RNF169: variants seen among roughly 807,000 people sequenced by gnomAD.
RNF169 encodes ring finger protein 169.
In RNF169, 24 loss-of-function variants were observed where a neutral mutation model predicts 53.9. That is an observed-to-expected ratio of 0.45 (90% confidence interval 0.32 to 0.63). The LOEUF (loss-of-function observed/expected upper bound fraction) is 0.63, where lower values mean the gene tolerates loss of function less well. Among genes scored for constraint, RNF169 ranks in the 20% least tolerant of loss-of-function variants. The pLI is 0.04. For missense variants in RNF169, 883 were observed against 906.2 expected, an observed-to-expected ratio of 0.97 and a Z score of 0.33; for synonymous variants, 396 against 363.5, an observed-to-expected ratio of 1.09 and a Z score of -1.02.
Position 74,838,136 on chromosome 11 carries a change from CACTG to C in RNF169, c.*1410_*1413del, listed in dbSNP as rs2135158553. ...TGGAACTGTCTTCAAAGACTAGAAA[CACTG>C]ACTCCCAAAATGCTAGAACTGGAAG... On this transcript the variant is annotated 3_prime_UTR_variant, in exon 6 of 6. Transcript: ENST00000299563. 1 of 152,294 alleles carries C rather than the reference CACTG, an allele frequency of 6.6e-6. No homozygotes were observed. The highest frequency in any genetic ancestry group is 6.5e-5 in the Admixed American group (1 of 15,294). 9.4% of individuals were successfully genotyped at this position (152,294 alleles called of 1,614,324 possible).
chr11:74,816,477 T>C (rs1343745243), intron 3 of RNF169, among the ~76,000 whole-genome samples: 1 of 152,196 alleles, frequency 6.6e-6, no homozygotes, highest in Non-Finnish European at 1.5e-5. Context: ...GACATACCTC[T>C]AAGATGTTTC....
intron 4 of RNF169, chr11:74,831,418 TATGAA>T (rs1365441588): frequency 1.3e-5 from 2 of 152,160 alleles, no homozygotes; most frequent in African/African-American, 4.8e-5. Context: ...ATAGAATACT[TATGAA>T]TAAATTTAAC....
At chr11:74,812,656 T>C (rs1253676957) in intron 3 of RNF169, among the ~76,000 whole-genome samples, 1 of 152,130 alleles carries the variant, frequency 6.6e-6, no homozygotes, top group Non-Finnish European at 1.5e-5. Flanking sequence ...TTTAAGAGTT[T>C]TCAGTGTTGA....
chr11:74,787,420 C>T (rs991997616), intron 1 of RNF169, among the ~76,000 whole-genome samples: 1 of 152,116 alleles, frequency 6.6e-6, no homozygotes, highest in Non-Finnish European at 1.5e-5. Context: ...CAATTTCACT[C>T]ATAAAATATA....
At chr11:74,824,809 CAAAA>C (rs2036069237) in intron 4 of RNF169, among the ~76,000 whole-genome samples, 1 of 151,878 alleles carries the variant, frequency 6.6e-6, no homozygotes, top group Non-Finnish European at 1.5e-5. Context: ...AAGCACAGGA[CAAAA>C]AAGAAAGGGT....
chr11:74,783,367 C>T (rs1346226963), intron 1 of RNF169, among the ~76,000 whole-genome samples: 1 of 152,062 alleles, frequency 6.6e-6, no homozygotes, highest in Non-Finnish European at 1.5e-5. Flanking sequence ...AGGTCACTGG[C>T]CACAGGTGCA....
At chr11:74,809,788 C>T (rs569836962) in intron 2 of RNF169, among the ~76,000 whole-genome samples, 4 of 152,350 alleles carry the variant, frequency 2.6e-5, no homozygotes, top group Admixed American at 1.3e-4. Context: ...AAGGAGGCCT[C>T]GTCCAGCTTC....
Position 74,835,605 on chromosome 11 carries a change from C to G in RNF169, c.1002C>G (p.Asn334Lys). The change falls in exon 6 of 6, where the codon AAC becomes AAG. Residue 334 changes from asparagine to lysine, a missense_variant. Physicochemically the swap from Asn to Lys is moderately conservative, Grantham distance 94 (BLOSUM62 0). Around this residue, in one of 3 missense-constraint regions of RNF169, gnomAD observed 219 missense variants for 289.1 expected, o/e 0.76. Coordinates refer to ENST00000299563, the MANE Select transcript of RNF169 (RefSeq NM_001098638.2). ...TTGGTGTCCTCTTGTCAACTCAAAA[C>G]AACCGCTGCGTCTCGGCCCCTGACT... ...PIIGVLLSTQ[N>K]NRCVSAPDLT... The G allele has an allele frequency of 6.2e-7, 1 of 1,614,170 alleles. No individual in the cohort carries two copies. Among genetic ancestry groups the G allele is most frequent in the Non-Finnish European group, 8.5e-7 (1 of 1,180,028 alleles).
At chr11:74,823,288 T>C (rs775448715) in intron 4 of RNF169, among the ~76,000 whole-genome samples, 1 of 152,216 alleles carries the variant, frequency 6.6e-6, no homozygotes, top group Admixed American at 6.5e-5. Context: ...AAAGATACTT[T>C]GCCTGGTGAC....
intron 1 of RNF169, among the ~76,000 whole-genome samples, chr11:74,762,994 G>T (rs965385406): frequency 6.6e-6 from 1 of 152,144 alleles, no homozygotes; most frequent in Non-Finnish European, 1.5e-5. Context: ...TTTTTGATGT[G>T]CTGCACTCTA....
chr11:74,806,634 A>G (rs763882036), intron 2 of RNF169, among the ~76,000 whole-genome samples: 2 of 152,242 alleles, frequency 1.3e-5, no homozygotes, highest in Non-Finnish European at 2.9e-5. Flanking sequence ...ATAATAAACT[A>G]TTTGTACCTG....
In RNF169 at chr11:74,815,640, A is replaced by G. The variant is rs1303765985; in HGVS notation, c.724-1956A>G. 2.6e-5 allele frequency among the ~76,000 whole-genome samples: 4 copies of G among 152,210 alleles called. No homozygotes were observed. In the East Asian group the frequency reaches 7.7e-4, roughly 29 times the overall value. The stretch of plus-strand genomic sequence containing the variant: ...AATAGTTTTGAAGTTAATACAAATA[A>G]AATCTATCTTTTTGAGCACTTATTA... On this transcript the variant is annotated intron_variant, in intron 3 of 5. Transcript: ENST00000299563.
chr11:74,769,461 A>T (rs2035226888), intron 1 of RNF169, among the ~76,000 whole-genome samples: 1 of 152,232 alleles, frequency 6.6e-6, no homozygotes, highest in African/African-American at 2.4e-5. Flanking sequence ...ATTCCTTGCT[A>T]TGCAGAGATT....
chr11:74,788,315 A>ACG (rs886349950), intron 1 of RNF169, among the ~76,000 whole-genome samples: 1 of 151,918 alleles, frequency 6.6e-6, no homozygotes, highest in Non-Finnish European at 1.5e-5. Context: ...ACACACACAC[A>ACG]CACACACACG....
intron 4 of RNF169, among the ~76,000 whole-genome samples, chr11:74,825,376 G>T (rs1591430098): frequency 6.6e-6 from 1 of 152,156 alleles, no homozygotes; most frequent in Admixed American, 6.5e-5. Context: ...AGTCACAAGA[G>T]AAATTAGAAA....
chr11:74,782,110 G>A (rs149996099), intron 1 of RNF169, among the ~76,000 whole-genome samples: 2 of 152,316 alleles, frequency 1.3e-5, no homozygotes, highest in African/African-American at 4.8e-5. Context: ...TTTAAACTGA[G>A]TTTTAAGGAT....
intron 4 of RNF169, among the ~76,000 whole-genome samples, chr11:74,824,831 A>AT (rs757404894): frequency 2.6e-5 from 4 of 152,084 alleles, no homozygotes; most frequent in Non-Finnish European, 5.9e-5. Context: ...GGTTGCCTGT[A>AT]TAAGACCTAG....
In RNF169 at chr11:74,836,092, AC is replaced by A. The variant is rs766815077; in HGVS notation, c.1491del (p.Ser498LeufsTer54). 2 of 1,614,170 alleles carry A rather than the reference AC, an allele frequency of 1.2e-6. No homozygotes were observed. The highest frequency in any genetic ancestry group is 3.3e-5 in the Admixed American group (2 of 60,026). On this transcript the variant is annotated frameshift_variant, in exon 6 of 6. Transcript: ENST00000299563. LOFTEE classifies it high-confidence loss of function. ...GQVLSEYTGP[T>X]SADLDHFPSV... ...GGTCCTCTCTGAGTATACTGGACCCACCTCTGCTGATCTTGATCATTTCCCC... is the reference window on the plus strand; with the variant it reads ...GGTCCTCTCTGAGTATACTGGACCCACTCTGCTGATCTTGATCATTTCCCC...
intron 1 of RNF169, among the ~76,000 whole-genome samples, chr11:74,764,309 G>A (rs757602196): frequency 5.3e-5 from 8 of 152,200 alleles, no homozygotes; most frequent in Non-Finnish European, 8.8e-5. Context: ...CGAGGTGGGC[G>A]GATCGCTCAA....
Sources: allele counts gnomAD v4.1 joint callset (sites outside exome capture counted in the v4.1 genomes callset), GRCh38; gene constraint gnomAD v4.1.1; regional missense constraint gnomAD v4.1.1; transcripts MANE v1.5; gene names NCBI Gene and HGNC (gene_info 2026-07-23, HGNC 2026-07-21).